APC: variants seen among roughly 807,000 people sequenced by gnomAD.
APC encodes APC regulator of Wnt signaling pathway.
A neutral mutation model predicts 247.0 loss-of-function variants in APC; 72 were observed. The ratio of observed to expected loss-of-function variants is 0.29; its 90% CI spans 0.24 to 0.35. The LOEUF (loss-of-function observed/expected upper bound fraction) is 0.35, where lower values mean the gene tolerates loss of function less well. Ranked by LOEUF, APC falls within the 10% of genes least tolerant of loss-of-function variation. The probability of loss-of-function intolerance (pLI) is 1.00; values close to 1 mark genes in which losing one functional copy is unlikely to be tolerated. For missense variants in APC, 3,400 were observed against 3,360.7 expected (o/e 1.01, Z -0.29); for synonymous variants, 1,254 against 1,162.5 (o/e 1.08, Z -1.60).
At chr5:112,822,046 C>G (rs2149793160) in intron 11 of APC, 55 bp downstream of exon 11, 1 of 1,182,392 alleles carries the variant, frequency 8.5e-7, no homozygotes, top group Non-Finnish European at 1.2e-6. Context: ...ATTTTTAAAT[C>G]ATGGTAGAAA....
chr5:112,840,877 C>A lies in APC; in HGVS notation c.5283C>A (p.Asn1761Lys), dbSNP rs933729249. The change falls in exon 16 of 16, where the codon AAC becomes AAA. Residue 1761 changes from asparagine (N) to lysine (K), a missense_variant. Asn to Lys is a moderately conservative substitution (Grantham distance 94, BLOSUM62 0). Around this residue, in one of 9 missense-constraint regions of APC, gnomAD observed 1,788 missense variants for 1,649.5 expected, o/e 1.08. Transcript: ENST00000257430. The surrounding 1 kb of genome is among the most constrained non-coding windows in gnomAD (Gnocchi z 4.1). ...CATCTGCGTCTTCTTCTGCACCCAA[C>A]AAAAATCAGTTAGATGGTAAGAAAA... Reference protein sequence around the residue: ...QQASASSSAPNKNQLDGKKKK... With the variant: ...QQASASSSAPKKNQLDGKKKK... The A allele has an allele frequency of 3.1e-6, 5 of 1,613,800 alleles. No individual in the cohort carries two copies. The highest frequency in any genetic ancestry group is 4.2e-6 in the Non-Finnish European group (5 of 1,179,836).
At chr5:112,713,513 T>C (rs1318311238) in intron 1 of APC, among the ~76,000 whole-genome samples, 5 of 152,168 alleles carry the variant, frequency 3.3e-5, no homozygotes, top group Non-Finnish European at 7.3e-5. Flanking sequence ...CATTTCAGTC[T>C]AGGAAGAGGG....
intron 2 of APC, among the ~76,000 whole-genome samples, chr5:112,760,856 C>G (rs923446188): frequency 1.3e-5 from 2 of 151,232 alleles, no homozygotes; most frequent in Non-Finnish European, 2.9e-5. Flanking sequence ...GTCGCCCAGT[C>G]TGGAGTGCAG....
At position 112,707,637 on chromosome 5, in the gene APC, A is replaced by G. The variant is rs1395227226; in HGVS notation, c.-81A>G. On this transcript the variant is annotated 5_prime_UTR_variant, in exon 1 of 14. Coordinates refer to the APC transcript ENST00000507379. ...GGAGCTGCGGACCGAGGTTGGCTCG[A>G]TGCTGTTCCCAGGTACTGTTGTTGG... 9 of 1,347,704 alleles carry G rather than the reference A, an allele frequency of 6.7e-6. No individual in the cohort carries two copies. In the Admixed American group the frequency reaches 1.1e-4, roughly 16 times the overall value. The allele number at this position is 1,347,704 out of a possible 1,614,324, so 83.5% of individuals were successfully genotyped here.
intron 2 of APC, among the ~76,000 whole-genome samples, chr5:112,757,435 C>T (rs10463434): frequency 8.6e-5 from 13 of 151,910 alleles, no homozygotes; most frequent in Non-Finnish European, 1.6e-4. Flanking sequence ...TCTTTACCCC[C>T]AAAAAAGGCA....
intron 4 of APC, among the ~76,000 whole-genome samples, chr5:112,772,144 G>C (rs919707773): frequency 6.6e-6 from 1 of 152,164 alleles, no homozygotes; most frequent in African/African-American, 2.4e-5. Flanking sequence ...GTGACCCCCA[G>C]TAAGGTAGAG....
chr5:112,806,021 T>C (rs1185761710), intron 8 of APC, among the ~76,000 whole-genome samples: 1 of 152,160 alleles, frequency 6.6e-6, no homozygotes, highest in Non-Finnish European at 1.5e-5. Flanking sequence ...ACTGGCCTTC[T>C]CTCAGTACCT....
rs2149918726 is a variant in APC at position 112,840,196 on chromosome 5, G to T, written c.4602G>T (p.Gly1534=). 1 of 1,614,072 alleles carries T rather than the reference G, an allele frequency of 6.2e-7. No homozygotes were observed. Among genetic ancestry groups the T allele is most frequent in the Non-Finnish European group, 8.5e-7 (1 of 1,180,008 alleles). ...IMPPVQENDN[G]NETESEQPKE... ...CTCCAGTTCAGGAAAATGACAATGGGAATGAAACAGAATCAGAGCAGCCTA... is the reference window on the plus strand; with the variant it reads ...CTCCAGTTCAGGAAAATGACAATGGTAATGAAACAGAATCAGAGCAGCCTA... The change falls in exon 16 of 16, where the codon GGG becomes GGT. Residue 1534 remains glycine, a synonymous_variant. Transcript: ENST00000257430. This position sits in a 1 kb window ranked among gnomAD's most constrained non-coding sequence, Gnocchi z 4.1.
At chr5:112,821,349 T>A (rs1219104789) in intron 10 of APC, among the ~76,000 whole-genome samples, 10 of 151,992 alleles carry the variant, frequency 6.6e-5, no homozygotes, top group African/African-American at 2.4e-4. Context: ...CTACAAAAAA[T>A]TTTAAAAATT....
chr5:112,711,527 C>A (rs1750848013), intron 1 of APC, among the ~76,000 whole-genome samples: 1 of 152,172 alleles, frequency 6.6e-6, no homozygotes, highest in African/African-American at 2.4e-5. Context: ...TTCACATTTT[C>A]CTTTTATCAG....
chr5:112,787,431 T>C (rs896394565), intron 6 of APC, among the ~76,000 whole-genome samples: 1 of 149,440 alleles, frequency 6.7e-6, no homozygotes, highest in African/African-American at 2.6e-5. Flanking sequence ...CTAATAGTAG[T>C]ATGTGACAAT....
chr5:112,801,654 C>G (rs576755065), intron 8 of APC, among the ~76,000 whole-genome samples: 1 of 151,998 alleles, frequency 6.6e-6, no homozygotes, highest in African/African-American at 2.4e-5. Flanking sequence ...TTTAATAACT[C>G]TAAGCTGCAT....
At chr5:112,717,818 A>T (rs1751254995) in intron 1 of APC, among the ~76,000 whole-genome samples, 1 of 146,852 alleles carries the variant, frequency 6.8e-6, no homozygotes, top group African/African-American at 2.5e-5. Context: ...TCTTTGCTTC[A>T]TATTCTGTCT....
chr5:112,835,269 A>C, intron 15 of APC, 104 bp downstream of exon 15: 1 of 996,926 alleles, frequency 1.0e-6, no homozygotes, highest in South Asian at 1.4e-5. Context: ...TTTAAGCCAA[A>C]ATATATTTAT....
At chr5:112,740,544 G>A (rs961170513) in intron 1 of APC, among the ~76,000 whole-genome samples, 10 of 37,844 alleles carry the variant, frequency 2.6e-4, no homozygotes, top group Admixed American at 2.3e-3. Context: ...TTTTTTTTTT[G>A]AGACAGGGTC....
intron 1 of APC, among the ~76,000 whole-genome samples, chr5:112,712,735 A>G: frequency 6.6e-6 from 1 of 151,908 alleles, no homozygotes; most frequent in Non-Finnish European, 1.5e-5. Context: ...CTCTTTTCTA[A>G]CTACCTCTCT....
chr5:112,716,342 A>G (rs897899880), intron 1 of APC, among the ~76,000 whole-genome samples: 1 of 152,022 alleles, frequency 6.6e-6, no homozygotes, highest in Non-Finnish European at 1.5e-5. Context: ...TGACTTTTGG[A>G]TTATTTGGAA....
chr5:112,805,270 G>A (rs1002499169), intron 8 of APC, among the ~76,000 whole-genome samples: 5 of 152,052 alleles, frequency 3.3e-5, no homozygotes, highest in Non-Finnish European at 7.4e-5. Context: ...CTTGATTTCC[G>A]TTGTATGGTA....
In APC at chr5:112,801,359, C is replaced by T. The variant is rs1313236573; in HGVS notation, c.810C>T (p.Asn270=). 1.2e-6 allele frequency: 2 copies of T among 1,611,648 alleles called. No individual in the cohort carries two copies. The highest frequency in any genetic ancestry group is 8.5e-7 in the Non-Finnish European group (1 of 1,178,330). The part of the protein sequence containing the change: ...QNEGQGVGEI[N]MATSGNGQGS... Reference sequence around the variant, plus strand: ...AAGGTCAAGGAGTGGGAGAAATCAACATGGCAACTTCTGGTAATGGTCAGG... The same window carrying T: ...AAGGTCAAGGAGTGGGAGAAATCAATATGGCAACTTCTGGTAATGGTCAGG... Residue 270 remains asparagine (N), a synonymous_variant, in exon 8 of 16, where the codon AAC becomes AAT. Transcript: ENST00000257430.
Sources: allele counts gnomAD v4.1 joint callset (sites outside exome capture counted in the v4.1 genomes callset), GRCh38; gene constraint gnomAD v4.1.1; regional missense constraint gnomAD v4.1.1; non-coding constraint Gnocchi (gnomAD v3.1); transcripts MANE v1.5; gene names NCBI Gene and HGNC (gene_info 2026-07-23, HGNC 2026-07-21).